The following RYR3 variants were observed in gnomAD, a reference collection of about 807,000 sequenced individuals.
RYR3 encodes ryanodine receptor 3.
RYR3 carries 207 observed loss-of-function variants against 584.3 expected under a neutral mutation model. The observed-to-expected ratio is 0.35, with a 90% CI of 0.32 to 0.40. The LOEUF is 0.40. Among genes scored for constraint, RYR3 ranks in the 10% least tolerant of loss-of-function variants. RYR3 has a pLI of 1.00. For missense variants in RYR3, 5,616 were observed against 6,089.2 expected (o/e 0.92, Z 2.59); for synonymous variants, 2,416 against 2,248.5 (o/e 1.07, Z -2.11).
At position 33,670,424 on chromosome 15, in the gene RYR3, C is replaced by T. The variant is rs752510913; in HGVS notation, c.5728C>T (p.Pro1910Ser). 1 of 1,613,178 alleles carries T rather than the reference C, an allele frequency of 6.2e-7. No individual in the cohort carries two copies. The highest frequency in any genetic ancestry group is 1.7e-5 in the Admixed American group (1 of 59,900). ...HEDLLLHCGV[P>S]LEEEEEEEED... ...CCTGTTCTGTGGCTTGCTAGGGGTT[C>T]CTTTGGAAGAAGAGGAAGAGGAGGA... The change falls in exon 38 of 104, where the codon CCT becomes TCT. Residue 1910 changes from proline (P) to serine (S), a missense_variant. Physicochemically the swap from Pro to Ser is moderately conservative, Grantham distance 74. Around this residue, in one of 9 missense-constraint regions of RYR3, gnomAD observed 1,280 missense variants for 1,426.2 expected, o/e 0.90. Coordinates refer to ENST00000634891, the MANE Select transcript of RYR3 (RefSeq NM_001036.6).
chr15:33,449,336 G>A (rs2046920171), intron 1 of RYR3, among the ~76,000 whole-genome samples: 2 of 152,176 alleles, frequency 1.3e-5, no homozygotes, highest in African/African-American at 2.4e-5. Context: ...GTAAGGCAGT[G>A]GATTCCACAG....
intron 23 of RYR3, among the ~76,000 whole-genome samples, chr15:33,632,648 T>A (rs1343915191): frequency 6.6e-6 from 1 of 152,258 alleles, no homozygotes; most frequent in African/African-American, 2.4e-5. Flanking sequence ...ATGCTGAACG[T>A]GCCCATTATT....
intron 55 of RYR3, among the ~76,000 whole-genome samples, 182 bp from the exon 56 acceptor site, chr15:33,749,797 G>T (rs746630811): frequency 2.4e-4 from 36 of 152,312 alleles, no homozygotes; most frequent in Non-Finnish European, 4.0e-4. Context: ...ATGTGTATGG[G>T]AGGATAGGAA....
chr15:33,592,245 C>G (rs1464461830), intron 16 of RYR3, among the ~76,000 whole-genome samples: 1 of 152,200 alleles, frequency 6.6e-6, no homozygotes, highest in Non-Finnish European at 1.5e-5. Context: ...TGGTTATTGG[C>G]TTCACCATCC....
At chr15:33,716,289 C>T (rs1446828271) in intron 43 of RYR3, among the ~76,000 whole-genome samples, 1 of 152,200 alleles carries the variant, frequency 6.6e-6, no homozygotes, top group East Asian at 1.9e-4. Context: ...GCCTAACACA[C>T]TGTTGCATTA....
rs2065857051 is a variant in RYR3, at chr15:33,696,228, G to A, written c.5871G>A (p.Lys1957=). Residue 1957 remains lysine, a synonymous_variant, in exon 39 of 104, where the codon AAG becomes AAA. Transcript: ENST00000634891. The part of the protein sequence containing the change: ...EEEERCPTTL[K]ELISQTMICW... ...CTGTTGTCCTTCCAGCAACATTGAA[G>A]GAACTCATCTCACAGACGATGATCT... is the stretch of plus-strand genomic sequence containing the variant. 1 of 1,612,956 alleles carries A rather than the reference G, an allele frequency of 6.2e-7. No homozygotes were observed. The highest frequency in any genetic ancestry group is 8.5e-7 in the Non-Finnish European group (1 of 1,179,412).
At chr15:33,473,234 C>T (rs1028014858) in intron 1 of RYR3, 185 bp from the exon 2 acceptor site, 22 of 759,590 alleles carry the variant, frequency 2.9e-5, no homozygotes, top group Admixed American at 7.0e-5. Context: ...TTCTGACTCA[C>T]GGTAGATGCT....
At chr15:33,703,157 C>T (rs544109168) in intron 42 of RYR3, among the ~76,000 whole-genome samples, 3 of 152,126 alleles carry the variant, frequency 2.0e-5, no homozygotes, top group Admixed American at 6.5e-5. Flanking sequence ...ACCAATAATT[C>T]GTTGACATTT....
At chr15:33,854,618 C>T in intron 97 of RYR3, 148 bp from the exon 98 acceptor site, 1 of 1,125,782 alleles carries the variant, frequency 8.9e-7, no homozygotes, top group Non-Finnish European at 1.3e-6. Context: ...AGATGGGGCT[C>T]ACTTAGCAGA....
intron 19 of RYR3, among the ~76,000 whole-genome samples, chr15:33,614,984 T>C (rs924417955): frequency 2.0e-5 from 3 of 152,192 alleles, no homozygotes; most frequent in Non-Finnish European, 4.4e-5. Context: ...TCTCTGCCTC[T>C]TTCCTCGTAC....
intron 30 of RYR3, 89 bp from the exon 31 acceptor site, chr15:33,648,983 C>G: frequency 7.7e-7 from 1 of 1,305,470 alleles, no homozygotes; most frequent in Non-Finnish European, 1.1e-6. Flanking sequence ...GCCAAGTGAG[C>G]TGCTGTGTTA....
rs1015671245 is a variant in RYR3 at position 33,635,903 on chromosome 15, A to G, written c.3381+84A>G. On this transcript the variant is annotated intron_variant, in intron 26 of 103. Coordinates refer to ENST00000634891, the MANE Select transcript of RYR3 (RefSeq NM_001036.6). ...TTTTTCTGGAAGCTCAAATTACTGG[A>G]TCTCTGGCTTCAAAGTGAGTGACCA... is the stretch of plus-strand genomic sequence containing the variant. The G allele has an allele frequency of 3.5e-5, 42 of 1,204,050 alleles. No individual in the cohort carries two copies. The African/African-American group carries it at 5.3e-4, about 15-fold the overall frequency. The allele number at this position is 1,204,050 out of a possible 1,614,324, so 74.6% of individuals were successfully genotyped here. A position where few individuals can be genotyped will look rare whatever the true frequency, so the allele number is the denominator to read the frequency against.
chr15:33,588,651 T>A (rs974853113), intron 16 of RYR3, among the ~76,000 whole-genome samples: 1 of 152,216 alleles, frequency 6.6e-6, no homozygotes, highest in African/African-American at 2.4e-5. Context: ...CCACTCTCTA[T>A]GTCCGCATCT....
intron 1 of RYR3, among the ~76,000 whole-genome samples, chr15:33,397,286 T>C (rs2042356903): frequency 6.6e-6 from 1 of 152,154 alleles, no homozygotes; most frequent in Admixed American, 6.5e-5. Context: ...ATTCAGCAGG[T>C]TACAAAAGGA....
At chr15:33,494,468 T>C (rs2051244338) in intron 2 of RYR3, among the ~76,000 whole-genome samples, 1 of 152,144 alleles carries the variant, frequency 6.6e-6, no homozygotes, top group East Asian at 1.9e-4. Context: ...AGTCTCCTGG[T>C]GCTATGATAG....
chr15:33,600,297 T>G (rs1230510152), intron 16 of RYR3, among the ~76,000 whole-genome samples: 2 of 152,126 alleles, frequency 1.3e-5, no homozygotes, highest in Non-Finnish European at 2.9e-5. Context: ...CACTAAGCAT[T>G]GAGTCTTCAG....
chr15:33,736,255 T>C lies in RYR3; in HGVS notation c.7445T>C (p.Leu2482Ser). 1 of 1,612,746 alleles carries C rather than the reference T, an allele frequency of 6.2e-7. No homozygotes were observed. The highest frequency in any genetic ancestry group is 1.1e-5 in the South Asian group (1 of 90,954). ...TGCAGTCACTTGAGGCCTTCCATGT[T>C]ACAGCAACTCCTGCGACGCCTCGTT... ...AICNHLRPSM[L>S]QQLLRRLVFD... The change falls in exon 49 of 104, where the codon TTA becomes TCA. Residue 2482 changes from leucine (L) to serine (S), a missense_variant. Physicochemically the swap from Leu to Ser is moderately radical, Grantham distance 145. Coordinates refer to ENST00000634891, the MANE Select transcript of RYR3 (RefSeq NM_001036.6).
rs141228083 is a variant in RYR3, at chr15:33,699,874, G to A, written c.6379+41G>A. On this transcript the variant is annotated intron_variant, in intron 41 of 103. Transcript: ENST00000634891. ...TGTAACTTCCACATCCAAACTCGAA[G>A]GTTACACTCCCCCTTTTGACCACTT... 164 of 1,595,008 alleles carry A rather than the reference G, an allele frequency of 1.0e-4. 2 individuals are homozygous for A. The East Asian group carries it at 3.6e-3, about 35-fold the overall frequency.
At chr15:33,764,478 A>C (rs1300648862) in intron 60 of RYR3, among the ~76,000 whole-genome samples, 1 of 152,018 alleles carries the variant, frequency 6.6e-6, no homozygotes, top group East Asian at 1.9e-4. Flanking sequence ...CCTAATGTAG[A>C]TGACAGGTTG....
Sources: allele counts gnomAD v4.1 joint callset (sites outside exome capture counted in the v4.1 genomes callset), GRCh38; gene constraint gnomAD v4.1.1; regional missense constraint gnomAD v4.1.1; transcripts MANE v1.5; gene names NCBI Gene and HGNC (gene_info 2026-07-23, HGNC 2026-07-21).